MYBPC1: variants seen among roughly 807,000 people sequenced by gnomAD.
The protein encoded by MYBPC1 is myosin binding protein C1, also known as myosin-binding protein C, slow-type.
MYBPC1 carries 52 observed loss-of-function variants against 147.1 expected under a neutral mutation model. The observed-to-expected ratio is 0.35, with a 90% CI of 0.28 to 0.45. The LOEUF is 0.45. Ranked by LOEUF, MYBPC1 falls within the 20% of genes least tolerant of loss-of-function variation. MYBPC1 has a pLI of 1.00. For missense variants in MYBPC1, 1,228 were observed against 1,440.3 expected (o/e 0.85, Z 2.39); for synonymous variants, 477 against 475.9 (o/e 1.00, Z -0.03).
chr12:101,644,578 T>G, intron 11 of MYBPC1, 86 bp from the exon 12 acceptor site: 2 of 1,264,768 alleles, frequency 1.6e-6, no homozygotes, highest in Non-Finnish European at 2.3e-6. Flanking sequence ...CATTTGCTTT[T>G]AGGTTCTCCT....
Position 101,663,498 on chromosome 12 carries a change from C to T in MYBPC1, c.2294C>T (p.Pro765Leu). The change falls in exon 22 of 32, where the codon CCC becomes CTC. Residue 765 changes from proline (P) to leucine (L), a missense_variant. Transcript: ENST00000361466. ...TDTTVTMRWR[P>L]PDHIGAAGLD... Reference sequence around the variant, plus strand: ...ACGACTGTCACGATGAGGTGGCGCCCCCCAGACCACATTGGTGCAGCAGGT... The same window carrying T: ...ACGACTGTCACGATGAGGTGGCGCCTCCCAGACCACATTGGTGCAGCAGGT... 1.2e-5 allele frequency: 20 copies of T among 1,614,098 alleles called. No individual in the cohort carries two copies. Among genetic ancestry groups the T allele is most frequent in the Non-Finnish European group, 1.7e-5 (20 of 1,179,998 alleles).
Position 101,636,510 on chromosome 12 carries a change from C to G in MYBPC1, c.609-162C>G, listed in dbSNP as rs115977584. On this transcript the variant is annotated intron_variant, in intron 9 of 31. Transcript: ENST00000361466. ...TTTACTTTTCCACAAGTACATACTC[C>G]AAAAACTTAACATGTCACTTGTGTG... Among the ~76,000 whole-genome samples, 380 of 152,322 alleles carry G rather than the reference C, an allele frequency of 2.5e-3. 1 individual carries two copies. Among genetic ancestry groups the G allele is most frequent in the African/African-American group, 8.9e-3 (369 of 41,572 alleles).
At chr12:101,655,595 A>G (rs1461263330) in intron 18 of MYBPC1, among the ~76,000 whole-genome samples, 1 of 152,234 alleles carries the variant, frequency 6.6e-6, no homozygotes, top group African/African-American at 2.4e-5. Context: ...GTGAGGATAC[A>G]GGGCAAACTG....
At chr12:101,631,099 G>A (rs1947730519) in intron 6 of MYBPC1, among the ~76,000 whole-genome samples, 1 of 152,074 alleles carries the variant, frequency 6.6e-6, no homozygotes, top group Non-Finnish European at 1.5e-5. Context: ...AGATCAGTTT[G>A]ATTTAGTCAC....
intron 13 of MYBPC1, among the ~76,000 whole-genome samples, chr12:101,647,746 G>A (rs1333334093): frequency 6.6e-6 from 1 of 152,136 alleles, no homozygotes; most frequent in African/African-American, 2.4e-5. Context: ...AATTAGTTGG[G>A]TGTAGTGGCA....
At chr12:101,680,709 C>G (rs1340771581) in intron 29 of MYBPC1, among the ~76,000 whole-genome samples, 180 bp downstream of exon 29, 1 of 152,110 alleles carries the variant, frequency 6.6e-6, no homozygotes, top group Non-Finnish European at 1.5e-5. Context: ...ATTTTTACAT[C>G]CTGCATTCAC....
intron 23 of MYBPC1, 96 bp from the exon 24 acceptor site, chr12:101,670,225 A>C: frequency 1.1e-6 from 1 of 940,814 alleles, no homozygotes. Context: ...ATATGCCACA[A>C]GGGTACGCTG....
intron 23 of MYBPC1, chr12:101,669,934 AAAAAAG>A (rs757834879): frequency 1.6e-3 from 545 of 333,194 alleles, no homozygotes; most frequent in East Asian, 2.2e-3. Flanking sequence ...CTCTGAAAAA[AAAAAAG>A]AAAAAAAAAA....
At chr12:101,608,115 A>G (rs1028527857) in intron 1 of MYBPC1, among the ~76,000 whole-genome samples, 15 of 152,164 alleles carry the variant, frequency 9.9e-5, no homozygotes, top group African/African-American at 3.6e-4. Context: ...GTAGGTGACC[A>G]TAGGAAAAAT....
chr12:101,658,502 T>A (rs1895989938), intron 18 of MYBPC1, among the ~76,000 whole-genome samples: 1 of 152,154 alleles, frequency 6.6e-6, no homozygotes, highest in South Asian at 2.1e-4. Flanking sequence ...AGTATCCTCC[T>A]GTCACCACTG....
chr12:101,662,608 T>C (rs932848184), intron 21 of MYBPC1, 62 bp downstream of exon 21: 3 of 1,568,824 alleles, frequency 1.9e-6, no homozygotes, highest in Non-Finnish European at 2.6e-6. Flanking sequence ...GACTGCTTTC[T>C]CTCTGATCCC....
At chr12:101,664,228 A>G (rs969879168) in intron 22 of MYBPC1, among the ~76,000 whole-genome samples, 16 of 152,332 alleles carry the variant, frequency 1.1e-4, no homozygotes, top group African/African-American at 3.8e-4. Flanking sequence ...AAAAGAAAAA[A>G]TGACAGAAGA....
chr12:101,618,854 C>CGTGT (rs35811344), intron 3 of MYBPC1, among the ~76,000 whole-genome samples: 5,786 of 136,768 alleles, frequency 0.042, 161 homozygotes, highest in African/African-American at 0.084. Flanking sequence ...CAAAAACTGC[C>CGTGT]GTGTGTGTGT....
intron 24 of MYBPC1, among the ~76,000 whole-genome samples, chr12:101,671,336 CA>C (rs1898663123): frequency 1.0e-5 from 1 of 97,530 alleles, no homozygotes; most frequent in South Asian, 3.5e-4. Context: ...CACACACACA[CA>C]CTCACACACA....
At chr12:101,651,143 A>C in intron 15 of MYBPC1, 88 bp from the exon 16 acceptor site, 3 of 1,362,246 alleles carry the variant, frequency 2.2e-6, no homozygotes, top group Non-Finnish European at 3.2e-6. Context: ...ACATTGTAGT[A>C]GAGCTCACTA....
chr12:101,637,235 C>A (rs1891184774), intron 10 of MYBPC1: 1 of 154,566 alleles, frequency 6.5e-6, no homozygotes, highest in Non-Finnish European at 1.4e-5. Flanking sequence ...TTATAAGATG[C>A]ATTGTCATTT....
chr12:101,640,930 C>T (rs921392888), intron 10 of MYBPC1, among the ~76,000 whole-genome samples: 2 of 151,996 alleles, frequency 1.3e-5, no homozygotes, highest in East Asian at 3.8e-4. Context: ...GCCTGGCCAA[C>T]ATGGTGAAAT....
chr12:101,613,673 T>C (rs904180473), intron 1 of MYBPC1, among the ~76,000 whole-genome samples: 2 of 152,198 alleles, frequency 1.3e-5, no homozygotes, highest in Non-Finnish European at 2.9e-5. Flanking sequence ...CAGAAGTTTC[T>C]TTGTCAGACT....
the MYBPC1 span, among the ~76,000 whole-genome samples, chr12:101,695,787 C>A: frequency 1.4e-4 from 21 of 152,200 alleles, no homozygotes; most frequent in Middle Eastern, 3.4e-3. Context: ...TCTTGGAGTG[C>A]CAATTCTGTA....
Sources: gnomAD v4.1 joint callset for allele counts (sites outside exome capture counted in the v4.1 genomes callset) on GRCh38, gnomAD v4.1.1 for gene constraint, MANE v1.5 for transcripts, NCBI Gene and HGNC (gene_info 2026-07-23, HGNC 2026-07-21) for gene names.